Variants in TSPEAR observed in about 807,000 individuals in gnomAD.
The protein encoded by TSPEAR is thrombospondin-type laminin G domain and EAR repeat-containing protein.
In TSPEAR, 69 loss-of-function variants were observed where a neutral mutation model predicts 71.6. The observed-to-expected ratio is 0.96, with a 90% CI of 0.79 to 1.18. TSPEAR has a LOEUF of 1.18. TSPEAR is among the 50% of genes most tolerant of loss of function. The pLI, the probability that TSPEAR is intolerant of heterozygous loss-of-function variation, is 0.00. For missense variants in TSPEAR, 971 were observed against 894.9 expected (o/e 1.09, Z -1.09); for synonymous variants, 402 against 387.2 (o/e 1.04, Z -0.45).
intron 1 of TSPEAR, among the ~76,000 whole-genome samples, chr21:44,613,642 C>T (rs587679952): frequency 2.0e-5 from 3 of 151,896 alleles, no homozygotes; most frequent in East Asian, 1.9e-4. Context: ...GGGGCTGCTG[C>T]ACCTGCGCAG....
intron 2 of TSPEAR, among the ~76,000 whole-genome samples, chr21:44,548,975 T>G (rs1157726075): frequency 1.3e-5 from 2 of 152,250 alleles, no homozygotes; most frequent in Non-Finnish European, 2.9e-5. Context: ...CAAAGGACTT[T>G]TTAGCAAAGC....
chr21:44,694,087 A>G (rs1322118642), intron 1 of TSPEAR, among the ~76,000 whole-genome samples: 2 of 152,254 alleles, frequency 1.3e-5, no homozygotes, highest in Non-Finnish European at 2.9e-5. Flanking sequence ...CTATTCATTC[A>G]TGGTCAACCG....
chr21:44,521,210 C>G (rs1031454648), intron 9 of TSPEAR, among the ~76,000 whole-genome samples: 1 of 152,216 alleles, frequency 6.6e-6, no homozygotes, highest in Non-Finnish European at 1.5e-5. Flanking sequence ...GAACTGGGCT[C>G]ACATAGAGGC....
intron 1 of TSPEAR, among the ~76,000 whole-genome samples, chr21:44,620,398 T>C (rs1193854458): frequency 1.3e-5 from 2 of 152,230 alleles, no homozygotes; most frequent in African/African-American, 4.8e-5. Context: ...GGTAGCCATG[T>C]TGGTAGTTTG....
intron 1 of TSPEAR, among the ~76,000 whole-genome samples, chr21:44,568,832 G>T (rs1165268842): frequency 6.6e-6 from 1 of 152,168 alleles, no homozygotes; most frequent in Non-Finnish European, 1.5e-5. Flanking sequence ...CCTCCGTCTG[G>T]CAGTCTTGCT....
chr21:44,625,489 T>G (rs1411227931), intron 1 of TSPEAR, among the ~76,000 whole-genome samples: 1 of 152,254 alleles, frequency 6.6e-6, no homozygotes, highest in African/African-American at 2.4e-5. Flanking sequence ...TATCTATGAT[T>G]GAAGCGTATC....
chr21:44,664,056 A>G (rs1474458733), intron 1 of TSPEAR, among the ~76,000 whole-genome samples: 2 of 152,168 alleles, frequency 1.3e-5, no homozygotes, highest in Admixed American at 1.3e-4. Flanking sequence ...CAAAGCAAGA[A>G]CATTCACTTT....
intron 1 of TSPEAR, chr21:44,646,879 T>C (rs1017729401): frequency 3.2e-6 from 5 of 1,577,342 alleles, no homozygotes; most frequent in Middle Eastern, 1.7e-4. Flanking sequence ...TGCCTCTTCC[T>C]CCTGCCAGCC....
intron 9 of TSPEAR, among the ~76,000 whole-genome samples, chr21:44,512,077 T>G (rs1337214880): frequency 6.6e-6 from 1 of 151,700 alleles, no homozygotes; most frequent in Non-Finnish European, 1.5e-5. Flanking sequence ...CAGGGAAGGG[T>G]ATCCAGGCAG....
At chr21:44,535,265 G>A (rs180726107) in intron 2 of TSPEAR, among the ~76,000 whole-genome samples, 106 of 152,120 alleles carry the variant, frequency 7.0e-4, no homozygotes, top group African/African-American at 2.5e-3. Flanking sequence ...AAACAAGAAC[G>A]TATACAAATG....
intron 1 of TSPEAR, among the ~76,000 whole-genome samples, chr21:44,569,379 A>G (rs1045335377): frequency 2.6e-5 from 4 of 152,190 alleles, no homozygotes; most frequent in Non-Finnish European, 5.9e-5. Context: ...TGTGACGCAG[A>G]CGTGCAGTGC....
At chr21:44,635,988 C>A (rs73907090) in intron 1 of TSPEAR, among the ~76,000 whole-genome samples, 5,072 of 152,174 alleles carry the variant, frequency 0.033, 309 homozygotes, top group African/African-American at 0.11. Context: ...TCATCTCATT[C>A]ATGCTTATTG....
intron 3 of TSPEAR, among the ~76,000 whole-genome samples, chr21:44,533,348 C>T (rs1318158888): frequency 6.6e-6 from 1 of 152,206 alleles, no homozygotes; most frequent in Non-Finnish European, 1.5e-5. Flanking sequence ...GACCTGACCT[C>T]CCATGGTCAG....
intron 1 of TSPEAR, among the ~76,000 whole-genome samples, chr21:44,625,622 G>A (rs1186616836): frequency 6.6e-6 from 1 of 152,218 alleles, no homozygotes; most frequent in Non-Finnish European, 1.5e-5. Flanking sequence ...AGTCTGAGTG[G>A]ACCTCGGGGA....
intron 1 of TSPEAR, chr21:44,637,481 T>A (rs1290024237): frequency 6.2e-7 from 1 of 1,613,290 alleles, no homozygotes; most frequent in Non-Finnish European, 8.5e-7. Flanking sequence ...GGTAGTCGAC[T>A]GCCCAGAGAG....
At chr21:44,698,471 G>A (rs1555951088) in intron 1 of TSPEAR, among the ~76,000 whole-genome samples, 1 of 152,182 alleles carries the variant, frequency 6.6e-6, no homozygotes, top group African/African-American at 2.4e-5. Context: ...CAACGGAGCG[G>A]CCGTCCCCAC....
intron 1 of TSPEAR, among the ~76,000 whole-genome samples, chr21:44,600,141 C>A (rs943201204): frequency 5.3e-4 from 80 of 152,102 alleles, no homozygotes; most frequent in African/African-American, 1.9e-3. Flanking sequence ...GAATGTTCCA[C>A]CCTCATGCCA....
intron 1 of TSPEAR, among the ~76,000 whole-genome samples, chr21:44,703,716 A>G (rs540737742): frequency 7.2e-5 from 11 of 152,320 alleles, no homozygotes; most frequent in Admixed American, 2.6e-4. Flanking sequence ...CAAAGGGTAC[A>G]TGACCTAGGG....
At chr21:44,578,098 G>A (rs782471199) in intron 1 of TSPEAR, among the ~76,000 whole-genome samples, 1 of 152,202 alleles carries the variant, frequency 6.6e-6, no homozygotes, top group Non-Finnish European at 1.5e-5. Context: ...TCAGCCATGT[G>A]GAACTGTGAG....
Sources: gnomAD v4.1 joint callset for allele counts (sites outside exome capture counted in the v4.1 genomes callset) on GRCh38, gnomAD v4.1.1 for gene constraint, MANE v1.5 for transcripts, NCBI Gene and HGNC (gene_info 2026-07-23, HGNC 2026-07-21) for gene names.